Variants in NELL2 observed in about 807,000 individuals in gnomAD.
NELL2 encodes protein kinase C-binding protein NELL2.
In NELL2, 41 loss-of-function variants were observed where a neutral mutation model predicts 109.6. That is an observed-to-expected ratio of 0.37 (90% CI 0.29 to 0.49). The LOEUF (loss-of-function observed/expected upper bound fraction) is 0.49, where lower values mean the gene tolerates loss of function less well. Ranked by LOEUF, NELL2 falls within the 20% of genes least tolerant of loss-of-function variation. The pLI is 0.98. For missense variants in NELL2, 900 were observed against 1,008.3 expected (o/e 0.89, Z 1.45); for synonymous variants, 355 against 344.7 (o/e 1.03, Z -0.33).
intron 3 of NELL2, among the ~76,000 whole-genome samples, chr12:44,813,423 G>C (rs947589729): frequency 1.3e-5 from 2 of 151,872 alleles, no homozygotes; most frequent in Non-Finnish European, 2.9e-5. Context: ...TAATTTCCTA[G>C]ATAAATTCAT....
chr12:44,796,331 G>A (rs569250124), intron 3 of NELL2, among the ~76,000 whole-genome samples: 74 of 152,104 alleles, frequency 4.9e-4, no homozygotes, highest in African/African-American at 1.6e-3. Flanking sequence ...AGAATCTACT[G>A]AACTAATGGT....
intron 15 of NELL2, among the ~76,000 whole-genome samples, chr12:44,578,033 C>T (rs181194553): frequency 6.6e-6 from 1 of 152,240 alleles, no homozygotes; most frequent in East Asian, 1.9e-4. Flanking sequence ...TAAGAGCTGG[C>T]CCGTACTTAT....
intron 16 of NELL2, among the ~76,000 whole-genome samples, chr12:44,524,245 C>T (rs958745084): frequency 2.0e-5 from 3 of 152,214 alleles, no homozygotes; most frequent in African/African-American, 7.2e-5. Flanking sequence ...AAAGCGTTTT[C>T]ATACAGATGA....
At chr12:44,572,395 C>T (rs1943909120) in intron 15 of NELL2, among the ~76,000 whole-genome samples, 1 of 152,098 alleles carries the variant, frequency 6.6e-6, no homozygotes, top group East Asian at 1.9e-4. Context: ...AGCTTTCCTC[C>T]CACCTTGGTC....
intron 9 of NELL2, among the ~76,000 whole-genome samples, chr12:44,728,616 T>C (rs893015457): frequency 6.6e-6 from 1 of 152,106 alleles, no homozygotes; most frequent in Non-Finnish European, 1.5e-5. Context: ...AATGTACATC[T>C]AAATTCAAGA....
At chr12:44,770,902 C>T (rs1941520867) in intron 9 of NELL2, among the ~76,000 whole-genome samples, 1 of 152,144 alleles carries the variant, frequency 6.6e-6, no homozygotes, top group Admixed American at 6.6e-5. Context: ...TAAATAAAGG[C>T]ATGCATCCAT....
intron 15 of NELL2, among the ~76,000 whole-genome samples, chr12:44,606,332 G>A (rs1481192118): frequency 1.3e-5 from 2 of 152,116 alleles, no homozygotes; most frequent in Non-Finnish European, 2.9e-5. Context: ...AGCATGTACT[G>A]TATCTATTGC....
intron 15 of NELL2, among the ~76,000 whole-genome samples, chr12:44,550,638 GATAAGGAA>G (rs1943008644): frequency 6.6e-6 from 1 of 151,940 alleles, no homozygotes. Context: ...TGAATGAACA[GATAAGGAA>G]ATTGTGGTAT....
At chr12:44,901,329 C>A (rs924607505) in intron 1 of NELL2, among the ~76,000 whole-genome samples, 1 of 152,132 alleles carries the variant, frequency 6.6e-6, no homozygotes, top group African/African-American at 2.4e-5. Flanking sequence ...GACACATACA[C>A]CCTCCCAAGA....
chr12:44,652,527 C>T (rs549645273), intron 13 of NELL2, among the ~76,000 whole-genome samples: 1 of 152,294 alleles, frequency 6.6e-6, no homozygotes, highest in East Asian at 1.9e-4. Flanking sequence ...ATCCTCTTCT[C>T]CTCAACAGAC....
chr12:44,635,524 C>A (rs2136291859), intron 13 of NELL2, among the ~76,000 whole-genome samples: 1 of 152,212 alleles, frequency 6.6e-6, no homozygotes, highest in Middle Eastern at 3.4e-3. Flanking sequence ...TTCCCAACAC[C>A]ATTTATTAAA....
At chr12:44,730,210 C>T in intron 9 of NELL2, among the ~76,000 whole-genome samples, 1 of 152,036 alleles carries the variant, frequency 6.6e-6, no homozygotes, top group East Asian at 1.9e-4. Context: ...CAATTCCCTA[C>T]TTTTAATCAT....
At chr12:44,858,721 A>G (rs1304356648) in intron 2 of NELL2, among the ~76,000 whole-genome samples, 1 of 152,248 alleles carries the variant, frequency 6.6e-6, no homozygotes. Context: ...GGCAATGTCA[A>G]TTAGAAACTG....
upstream of NELL2, among the ~76,000 whole-genome samples, chr12:44,878,421 G>C (rs1472310010): frequency 2.0e-5 from 3 of 152,158 alleles, no homozygotes; most frequent in Non-Finnish European, 2.9e-5. Context: ...TATTAGCTAG[G>C]GCAGAGTTTC....
chr12:44,760,210 T>G (rs1454628390), intron 9 of NELL2, among the ~76,000 whole-genome samples: 1 of 152,180 alleles, frequency 6.6e-6, no homozygotes, highest in Non-Finnish European at 1.5e-5. Flanking sequence ...TCCGAAATAT[T>G]TCAACTCTTA....
intron 15 of NELL2, among the ~76,000 whole-genome samples, chr12:44,557,713 G>A (rs1047407523): frequency 2.6e-5 from 4 of 152,134 alleles, no homozygotes; most frequent in Non-Finnish European, 4.4e-5. Flanking sequence ...AGAACCAAGT[G>A]CAAATTTGGT....
chr12:44,791,397 A>G (rs1942427665), intron 3 of NELL2, among the ~76,000 whole-genome samples: 1 of 150,218 alleles, frequency 6.7e-6, no homozygotes, highest in Admixed American at 6.7e-5. Context: ...AAGGCATAAG[A>G]ATAATACAAT....
At chr12:44,753,495 A>G (rs1940747300) in intron 9 of NELL2, among the ~76,000 whole-genome samples, 1 of 152,180 alleles carries the variant, frequency 6.6e-6, no homozygotes. Flanking sequence ...AAACGCAGCA[A>G]AGCAAAATAT....
chr12:44,864,909 G>T (rs909843269), intron 2 of NELL2, among the ~76,000 whole-genome samples: 2 of 150,344 alleles, frequency 1.3e-5, no homozygotes, highest in Non-Finnish European at 3.0e-5. Context: ...TGGGTCAAAT[G>T]GTATTTCTAG....
Sources: allele counts gnomAD v4.1 joint callset (sites outside exome capture counted in the v4.1 genomes callset), GRCh38; gene constraint gnomAD v4.1.1; transcripts MANE v1.5; gene names NCBI Gene and HGNC (gene_info 2026-07-23, HGNC 2026-07-21).